The following DYNC2H1 variants were observed in gnomAD, a reference collection of about 807,000 sequenced individuals.
DYNC2H1 encodes the protein dynein cytoplasmic 2 heavy chain 1, also known as cytoplasmic dynein 2 heavy chain 1.
Under a neutral mutation model 570.0 loss-of-function variants are expected in DYNC2H1, and 410 were observed. The observed-to-expected ratio is 0.72, with a 90% CI of 0.66 to 0.78. DYNC2H1 has a LOEUF of 0.78. DYNC2H1 is among the 30% of genes least tolerant of loss of function. The pLI is 0.00. For missense variants in DYNC2H1, 4,865 were observed against 5,046.4 expected (o/e 0.96, Z 1.09); for synonymous variants, 1,688 against 1,677.6 (o/e 1.01, Z -0.15).
intron 20 of DYNC2H1, among the ~76,000 whole-genome samples, chr11:103,149,126 A>C (rs912532647): frequency 1.3e-5 from 2 of 152,216 alleles, no homozygotes; most frequent in African/African-American, 4.8e-5. Context: ...TGAAACAGTA[A>C]TAGTATTGTT....
chr11:103,359,464 G>C (rs1305322117), intron 83 of DYNC2H1, among the ~76,000 whole-genome samples: 1 of 152,032 alleles, frequency 6.6e-6, no homozygotes, highest in African/African-American at 2.4e-5. Flanking sequence ...TTTATGGCTA[G>C]TCTCTCTCCC....
chr11:103,411,429 G>A (rs1014105637), intron 84 of DYNC2H1, among the ~76,000 whole-genome samples: 7 of 151,324 alleles, frequency 4.6e-5, no homozygotes, highest in Admixed American at 1.3e-4. Flanking sequence ...TATATCAATC[G>A]AGGGGTAGCC....
chr11:103,438,690 C>T (rs1159206995), intron 85 of DYNC2H1, among the ~76,000 whole-genome samples: 1 of 152,118 alleles, frequency 6.6e-6, no homozygotes, highest in Non-Finnish European at 1.5e-5. Flanking sequence ...TCAAAGGTAG[C>T]ATTCATTTAT....
intron 83 of DYNC2H1, among the ~76,000 whole-genome samples, chr11:103,389,234 G>T (rs914293853): frequency 1.3e-5 from 2 of 152,174 alleles, no homozygotes; most frequent in African/African-American, 4.8e-5. Context: ...TCTTGGGAGG[G>T]TGTATGTGTC....
At chr11:103,140,396 G>A (rs1466879308) in intron 17 of DYNC2H1, among the ~76,000 whole-genome samples, 5 of 151,908 alleles carry the variant, frequency 3.3e-5, no homozygotes, top group Non-Finnish European at 5.9e-5. Flanking sequence ...AACTCTTTTA[G>A]GGCAGGCCTG....
intron 84 of DYNC2H1, among the ~76,000 whole-genome samples, chr11:103,429,635 C>T (rs545579843): frequency 3.3e-5 from 5 of 152,226 alleles, no homozygotes; most frequent in East Asian, 1.9e-4. Context: ...TAAATTGTTT[C>T]GCTCTGAAAC....
intron 82 of DYNC2H1, among the ~76,000 whole-genome samples, chr11:103,328,838 T>C (rs1938626955): frequency 1.3e-5 from 2 of 152,234 alleles, no homozygotes; most frequent in South Asian, 2.1e-4. Flanking sequence ...TCCACTGTTA[T>C]AATTACCGTA....
At chr11:103,411,350 A>G (rs888661460) in intron 84 of DYNC2H1, among the ~76,000 whole-genome samples, 5 of 152,008 alleles carry the variant, frequency 3.3e-5, no homozygotes, top group African/African-American at 1.2e-4. Context: ...AGGGTGGGAA[A>G]TTGGTTGTTG....
At position 103,472,263 on chromosome 11, in the gene DYNC2H1, A is replaced by C. The variant is rs1190393579; in HGVS notation, c.12765+3558A>C. Among the ~76,000 whole-genome samples, 1 of 152,096 alleles carries C rather than the reference A, an allele frequency of 6.6e-6. No homozygotes were observed. Among genetic ancestry groups the C allele is most frequent in the Non-Finnish European group, 1.5e-5 (1 of 68,002 alleles). ...AACAGGGCCAGGCACGGTGGCTCAC[A>C]CCTGTAATCCCATCACTTTGGGAGG... On this transcript the variant is annotated intron_variant, in intron 88 of 88. Coordinates refer to ENST00000375735, the MANE Select transcript of DYNC2H1 (RefSeq NM_001377.3). The surrounding 1 kb of genome is among the most constrained non-coding windows in gnomAD (Gnocchi z 4.1).
chr11:103,400,022 C>G, intron 84 of DYNC2H1, 150 bp downstream of exon 84: 1 of 651,912 alleles, frequency 1.5e-6, no homozygotes, highest in Non-Finnish European at 2.5e-6. Flanking sequence ...ACTGATGTAA[C>G]TGAAGAATCC....
chr11:103,264,807 A>T lies in DYNC2H1; in HGVS notation c.10695+4830A>T, dbSNP rs1217222065. On this transcript the variant is annotated intron_variant, in intron 70 of 88. Transcript: ENST00000375735. The surrounding 1 kb of genome is among the most constrained non-coding windows in gnomAD (Gnocchi z 4.8). ...GGAAGCATTCCCTTTGAAAACCAGC[A>T]CATGATAAGGATGCCCTCTCTCACA... 6.6e-6 allele frequency among the ~76,000 whole-genome samples: 1 copy of T among 152,230 alleles called. No individual in the cohort carries two copies. Among genetic ancestry groups the T allele is most frequent in the Non-Finnish European group, 1.5e-5 (1 of 68,036 alleles).
At chr11:103,448,001 C>T (rs993701121) in intron 85 of DYNC2H1, among the ~76,000 whole-genome samples, 1 of 151,994 alleles carries the variant, frequency 6.6e-6, no homozygotes. Flanking sequence ...TTTAAGATAC[C>T]TAAGACATAA....
intron 70 of DYNC2H1, among the ~76,000 whole-genome samples, chr11:103,272,496 A>G (rs1328585162): frequency 6.6e-6 from 1 of 152,204 alleles, no homozygotes; most frequent in African/African-American, 2.4e-5. Context: ...TGGGTGCAGC[A>G]TACCAACATG....
intron 76 of DYNC2H1, among the ~76,000 whole-genome samples, chr11:103,304,383 A>G (rs1867187015): frequency 6.6e-6 from 1 of 152,140 alleles, no homozygotes; most frequent in Non-Finnish European, 1.5e-5. Context: ...ACCTGTTACT[A>G]GTGATTTTGG....
chr11:103,219,896 C>T lies in DYNC2H1; in HGVS notation c.8833-19C>T. 4.4e-6 allele frequency: 6 copies of T among 1,365,462 alleles called. No homozygotes were observed. Among genetic ancestry groups the T allele is most frequent in the Non-Finnish European group, 4.0e-6 (4 of 1,007,960 alleles). 84.6% of individuals were successfully genotyped at this position (1,365,462 alleles called of 1,614,324 possible). A position where few individuals can be genotyped will look rare whatever the true frequency, so the allele number is the denominator to read the frequency against. On this transcript the variant is annotated intron_variant, in intron 55 of 88. Coordinates refer to ENST00000375735, the MANE Select transcript of DYNC2H1 (RefSeq NM_001377.3). ...CAAGCATTAAAATTGATTGGAATGC[C>T]ACTTAAATATTCTTATAGGATGCTA... is the stretch of plus-strand genomic sequence containing the variant.
At chr11:103,237,691 C>T (rs1436957194) in intron 63 of DYNC2H1, among the ~76,000 whole-genome samples, 2 of 151,144 alleles carry the variant, frequency 1.3e-5, no homozygotes, top group Non-Finnish European at 2.9e-5. Context: ...TTCATAGCCA[C>T]ATCTTTTTCC....
intron 70 of DYNC2H1, among the ~76,000 whole-genome samples, chr11:103,270,529 T>G (rs796172904): frequency 1.3e-5 from 2 of 151,858 alleles, no homozygotes; most frequent in African/African-American, 4.8e-5. Flanking sequence ...AATTGTAAAA[T>G]AGAACAATTG....
At chr11:103,200,611 A>G (rs983723776) in intron 50 of DYNC2H1, among the ~76,000 whole-genome samples, 4 of 152,170 alleles carry the variant, frequency 2.6e-5, no homozygotes, top group African/African-American at 9.6e-5. Flanking sequence ...CAGTAGTGGC[A>G]TGGTTGTATA....
chr11:103,227,891 T>C (rs953214020), intron 59 of DYNC2H1, among the ~76,000 whole-genome samples: 2 of 152,196 alleles, frequency 1.3e-5, no homozygotes, highest in Non-Finnish European at 2.9e-5. Flanking sequence ...ATGTTTAGGA[T>C]TGTGATATTT....
Sources: gnomAD v4.1 joint callset for allele counts (sites outside exome capture counted in the v4.1 genomes callset) on GRCh38, gnomAD v4.1.1 for gene constraint, Gnocchi (gnomAD v3.1) non-coding constraint, MANE v1.5 for transcripts, NCBI Gene and HGNC (gene_info 2026-07-23, HGNC 2026-07-21) for gene names.